TOP2B: variants seen among roughly 807,000 people sequenced by gnomAD.
TOP2B encodes the protein DNA topoisomerase II beta, also known as DNA topoisomerase 2-beta.
TOP2B carries 51 observed loss-of-function variants against 193.5 expected under a neutral mutation model. The ratio of observed to expected loss-of-function variants is 0.26; its 90% CI spans 0.21 to 0.33. The LOEUF (loss-of-function observed/expected upper bound fraction) is 0.33. Among genes scored for constraint, TOP2B ranks in the 10% least tolerant of loss-of-function variants. The probability of loss-of-function intolerance (pLI) is 1.00; values close to 1 mark genes in which losing one functional copy is unlikely to be tolerated. For synonymous variants in TOP2B, 634 were observed against 635.7 expected (o/e 1.00, Z 0.04); for missense variants, 1,378 against 1,909.3 (o/e 0.72, Z 5.19).
In TOP2B at chr3:25,642,363, C is replaced by T. The variant is rs1215677739; in HGVS notation, c.354G>A (p.Gln118=). 8.4e-6 allele frequency: 13 copies of T among 1,548,912 alleles called. 1 individual carries two copies. In the South Asian group the frequency reaches 1.6e-4, roughly 18 times the overall value. ...EILVNAADNK[Q]RDKNMTCIKV... is the part of the protein sequence containing the mutation. Reference sequence around the variant, plus strand: ...TAATACAAGTCATGTTCTTATCCCTCTGTTTATTGTCAGCAGCATTAACTA... The same window carrying T: ...TAATACAAGTCATGTTCTTATCCCTTTGTTTATTGTCAGCAGCATTAACTA... Residue 118 remains glutamine, a synonymous_variant, in exon 4 of 36, where the codon CAG becomes CAA. Coordinates refer to ENST00000264331, the MANE Select transcript of TOP2B (RefSeq NM_001330700.2).
In TOP2B at chr3:25,619,162, T is replaced by A. The variant is rs867473578; in HGVS notation, c.3064-313A>T. Among the ~76,000 whole-genome samples the A allele has an allele frequency of 2.6e-5, 4 of 152,288 alleles. No homozygotes were observed. In the Middle Eastern group the frequency reaches 0.01, roughly 388 times the overall value. On this transcript the variant is annotated intron_variant, in intron 23 of 35. Coordinates refer to ENST00000264331, the MANE Select transcript of TOP2B (RefSeq NM_001330700.2). ...ATAAAACCACCTACAAAAATGATTT[T>A]TCCCCAAACTGAAAACATACATATT...
chr3:25,609,396 A>G, intron 29 of TOP2B, 52 bp from the exon 30 acceptor site: 1 of 1,485,484 alleles, frequency 6.7e-7, no homozygotes, highest in South Asian at 1.3e-5. Flanking sequence ...TAGAAATGTC[A>G]TTAGTAAAAA....
Position 25,601,214 on chromosome 3 carries a change from A to T in TOP2B, c.4501T>A (p.Ser1501Thr). 1 of 1,613,008 alleles carries T rather than the reference A, an allele frequency of 6.2e-7. No homozygotes were observed. Residue 1501 changes from serine (S) to threonine (T), a missense_variant, in exon 34 of 36, where the codon TCA (serine) becomes ACA (threonine). By Grantham distance (58) the Ser-to-Thr change is moderately conservative. Around this residue, in one of 9 missense-constraint regions of TOP2B, gnomAD observed 556 missense variants for 584.2 expected, o/e 0.95. Coordinates refer to ENST00000264331, the MANE Select transcript of TOP2B (RefSeq NM_001330700.2). ...TVAAKKGKPS[S>T]DTVPKPKRAP... ...CTCTTGGGCTTAGGGACTGTATCTGAAGACGGTTTTCCTAGTAAGCAAATT... is the reference window on the plus strand; with the variant it reads ...CTCTTGGGCTTAGGGACTGTATCTGTAGACGGTTTTCCTAGTAAGCAAATT...
chr3:25,602,397 A>C (rs950215608), intron 33 of TOP2B, among the ~76,000 whole-genome samples: 3 of 111,212 alleles, frequency 2.7e-5, no homozygotes, highest in African/African-American at 5.9e-5. Context: ...ACTCTGTCTC[A>C]AAAAAAAAAA....
rs1020227210 is a variant in TOP2B, at chr3:25,645,577, A to G, written c.70-107T>C. The stretch of plus-strand genomic sequence containing the variant: ...TTTTAATGGCAAAATTATCTTTCAG[A>G]CTGATTTTTTAAATCTAAAGAAAAC... On this transcript the variant is annotated intron_variant, in intron 1 of 35. Transcript: ENST00000264331. 3.2e-5 allele frequency: 26 copies of G among 818,200 alleles called. No individual in the cohort carries two copies. The African/African-American group carries it at 4.4e-4, about 14-fold the overall frequency. The allele number at this position is 818,200 out of a possible 1,614,324, so 50.7% of individuals were successfully genotyped here. A position where few individuals can be genotyped will look rare whatever the true frequency, so the allele number is the denominator to read the frequency against.
chr3:25,629,313 A>C (rs1158686098), intron 13 of TOP2B, among the ~76,000 whole-genome samples, 168 bp from the exon 14 acceptor site: 1 of 149,014 alleles, frequency 6.7e-6, no homozygotes, highest in Non-Finnish European at 1.5e-5. Flanking sequence ...ATACACAAAT[A>C]AAGAATATAG....
chr3:25,655,550 C>G (rs932950516), intron 1 of TOP2B, among the ~76,000 whole-genome samples: 4 of 152,136 alleles, frequency 2.6e-5, no homozygotes, highest in African/African-American at 9.7e-5. Context: ...CAAAAGAATT[C>G]AAAGCAAAAT....
intron 28 of TOP2B, among the ~76,000 whole-genome samples, chr3:25,611,229 T>C (rs1702361132): frequency 6.6e-6 from 1 of 152,162 alleles, no homozygotes; most frequent in South Asian, 2.1e-4. Flanking sequence ...AAAAGAATGC[T>C]GAGAAATGAA....
At position 25,664,448 on chromosome 3, in the gene TOP2B, C is replaced by T; in HGVS notation, c.-151G>A. On this transcript the variant is annotated 5_prime_UTR_variant, in exon 1 of 36. Coordinates refer to ENST00000264331, the MANE Select transcript of TOP2B (RefSeq NM_001330700.2). The stretch of plus-strand genomic sequence containing the variant: ...CGCGCCCCATCGCGAAGATCCGGAG[C>T]GGACGTCCAGCCGAGCCCGCTGAGG... 1 of 1,248,260 alleles carries T rather than the reference C, an allele frequency of 8.0e-7. No homozygotes were observed. The highest frequency in any genetic ancestry group is 1.0e-6 in the Non-Finnish European group (1 of 999,136). The allele number at this position is 1,248,260 out of a possible 1,614,324, so 77.3% of individuals were successfully genotyped here. A position where few individuals can be genotyped will look rare whatever the true frequency, so the allele number is the denominator to read the frequency against.
chr3:25,612,633 G>A lies in TOP2B; in HGVS notation c.3668C>T (p.Pro1223Leu). 6.2e-7 allele frequency: 1 copy of A among 1,613,698 alleles called. No individual in the cohort carries two copies. Among genetic ancestry groups the A allele is most frequent in the Middle Eastern group, 1.7e-4 (1 of 6,058 alleles). Residue 1223 changes from proline (P) to leucine (L), a missense_variant, in exon 28 of 36, where the codon CCT becomes CTT. Around this residue, in one of 9 missense-constraint regions of TOP2B, gnomAD observed 556 missense variants for 584.2 expected, o/e 0.95. Transcript: ENST00000264331. ...GKAIKGKVGK[P>L]KVKKLQLEET... is the part of the protein sequence containing the mutation. ...TTCCAACTGGAGTTTCTTCACCTTA[G>A]GTTTGCCAACTTTACCTTTAATTGC... is the stretch of plus-strand genomic sequence containing the variant.
In TOP2B at chr3:25,598,192, A is replaced by C. The variant is rs1016946445; in HGVS notation, c.*115T>G. Reference sequence around the variant, plus strand: ...TAAAAGGCCTACCACAATAATAAAAAACCGTCAATTACATCATCACATTAA... The same window carrying C: ...TAAAAGGCCTACCACAATAATAAAACACCGTCAATTACATCATCACATTAA... On this transcript the variant is annotated 3_prime_UTR_variant, in exon 36 of 36. Coordinates refer to ENST00000264331, the MANE Select transcript of TOP2B (RefSeq NM_001330700.2). 6.2e-6 allele frequency: 7 copies of C among 1,138,178 alleles called. No individual in the cohort carries two copies. The Admixed American group carries it at 1.8e-4, about 29-fold the overall frequency. The allele number at this position is 1,138,178 out of a possible 1,614,324, so 70.5% of individuals were successfully genotyped here. A position where few individuals can be genotyped will look rare whatever the true frequency, so the allele number is the denominator to read the frequency against.
Position 25,645,321 on chromosome 3 carries a change from C to A in TOP2B, c.219G>T (p.Gly73=). 6.2e-7 allele frequency: 1 copy of A among 1,601,760 alleles called. No homozygotes were observed. The highest frequency in any genetic ancestry group is 1.1e-5 in the South Asian group (1 of 88,774). The change falls in exon 2 of 36, where the codon GGG becomes GGT. Residue 73 remains glycine, a synonymous_variant. Coordinates refer to ENST00000264331, the MANE Select transcript of TOP2B (RefSeq NM_001330700.2). ...TTACCTGCGTCAATGGCTCCACTGA[C>A]CCAATATATGTATCAGGACGAAGAA... ...HILLRPDTYI[G]SVEPLTQFMW...
chr3:25,638,880 C>T lies in TOP2B; in HGVS notation c.396-570G>A, dbSNP rs78719908. On this transcript the variant is annotated intron_variant, in intron 4 of 35. Coordinates refer to ENST00000264331, the MANE Select transcript of TOP2B (RefSeq NM_001330700.2). ...AATTATTCAGAATTTTATAACTTTG[C>T]TCCACTGATAATCTTCAATAAAAAT... Among the ~76,000 whole-genome samples, 369 of 152,184 alleles carry T rather than the reference C, an allele frequency of 2.4e-3. 4 individuals are homozygous for T. Among genetic ancestry groups the T allele is most frequent in the African/African-American group, 8.5e-3 (353 of 41,532 alleles).
intron 27 of TOP2B, among the ~76,000 whole-genome samples, chr3:25,613,646 T>A (rs576538961): frequency 9.9e-5 from 15 of 152,014 alleles, no homozygotes; most frequent in African/African-American, 3.6e-4. Flanking sequence ...GAGGACTGCT[T>A]GAGCCCAAGT....
intron 3 of TOP2B, among the ~76,000 whole-genome samples, chr3:25,643,435 A>G (rs1703319686): frequency 6.6e-6 from 1 of 152,228 alleles, no homozygotes; most frequent in African/African-American, 2.4e-5. Context: ...GACTACACAT[A>G]GAGGAGTACA....
At position 25,625,593 on chromosome 3, in the gene TOP2B, TTTTG is replaced by T. The variant is rs532125784; in HGVS notation, c.2225-794_2225-791del. Among the ~76,000 whole-genome samples the T allele has an allele frequency of 1.9e-4, 29 of 152,302 alleles. No individual in the cohort carries two copies. The East Asian group carries it at 4.8e-3, about 25-fold the overall frequency. On this transcript the variant is annotated intron_variant, in intron 18 of 35. Coordinates refer to ENST00000264331, the MANE Select transcript of TOP2B (RefSeq NM_001330700.2). ...TGGTTTTTTTGCAATTATTTTTGTT[TTTTG>T]TTTGTTTTTGTTTTAAGCTCATCAG...
intron 11 of TOP2B, 35 bp downstream of exon 11, chr3:25,630,764 CTT>C (rs1441976051): frequency 4.1e-6 from 6 of 1,470,076 alleles, no homozygotes; most frequent in Non-Finnish European, 4.5e-6. Context: ...AAAAGTGAAA[CTT>C]AAATCAAAAT....
rs56986587 is a variant in TOP2B, at chr3:25,638,314, TAAAAAAAAAAAAAAAAA to T, written c.396-21_396-5del. On this transcript the variant is annotated splice_region_variant and splice_polypyrimidine_tract_variant and intron_variant, in intron 4 of 35. Transcript: ENST00000264331. The stretch of plus-strand genomic sequence containing the variant: ...AATGCTTATAATGTTAGATTCACTG[TAAAAAAAAAAAAAAAAA>T]AAAAAAAAAAAAAAAAAAAAAGCAG... 424 of 131,854 alleles carry T rather than the reference TAAAAAAAAAAAAAAAAA, an allele frequency of 3.2e-3. No individual in the cohort carries two copies. The highest frequency in any genetic ancestry group is 9.6e-3 in the African/African-American group (97 of 10,122). 8.2% of individuals were successfully genotyped at this position (131,854 alleles called of 1,614,324 possible). A position where few individuals can be genotyped will look rare whatever the true frequency, so the allele number is the denominator to read the frequency against.
intron 1 of TOP2B, among the ~76,000 whole-genome samples, chr3:25,663,801 A>G (rs1216439659): frequency 6.6e-6 from 1 of 151,962 alleles, no homozygotes; most frequent in African/African-American, 2.4e-5. Flanking sequence ...TGCATTTAGA[A>G]TACACACACA....
Sources: gnomAD v4.1 joint callset for allele counts (sites outside exome capture counted in the v4.1 genomes callset) on GRCh38, gnomAD v4.1.1 for gene constraint, gnomAD v4.1.1 regional missense constraint, MANE v1.5 for transcripts, NCBI Gene and HGNC (gene_info 2026-07-23, HGNC 2026-07-21) for gene names.